The following ARID3A variants were observed in gnomAD, a reference collection of about 807,000 sequenced individuals.
ARID3A encodes the protein AT-rich interaction domain 3A.
In ARID3A, 11 loss-of-function variants were observed where a neutral mutation model predicts 52.7. The observed-to-expected ratio is 0.21, with a 90% CI of 0.13 to 0.35. The LOEUF (loss-of-function observed/expected upper bound fraction) is 0.35, where lower values mean the gene tolerates loss of function less well. Ranked by LOEUF, ARID3A falls within the 10% of genes least tolerant of loss-of-function variation. The pLI, the probability that ARID3A is intolerant of heterozygous loss-of-function variation, is 1.00. For missense variants in ARID3A, 721 were observed against 838.5 expected (o/e 0.86, Z 1.73); for synonymous variants, 404 against 359.4 (o/e 1.12, Z -1.40).
At chr19:954,194 A>C (rs994561479) in intron 3 of ARID3A, among the ~76,000 whole-genome samples, 1 of 152,102 alleles carries the variant, frequency 6.6e-6, no homozygotes, top group Non-Finnish European at 1.5e-5. Context: ...ACCCCACCCA[A>C]CTGCTGAGTG....
At position 973,427 on chromosome 19, in the gene ARID3A, T is replaced by C. The variant is rs987058991; in HGVS notation, c.*1362T>C. Reference sequence around the variant, plus strand: ...CCACGCTGGCCCGGTCTGGAAATCTTATCTAAAAAGTAGCAAGTGCTGGAA... The same window carrying C: ...CCACGCTGGCCCGGTCTGGAAATCTCATCTAAAAAGTAGCAAGTGCTGGAA... On this transcript the variant is annotated 3_prime_UTR_variant, in exon 9 of 9. Coordinates refer to ENST00000263620, the MANE Select transcript of ARID3A (RefSeq NM_005224.3). 7 of 199,844 alleles carry C rather than the reference T, an allele frequency of 3.5e-5. No homozygotes were observed. The highest frequency in any genetic ancestry group is 6.2e-5 in the Non-Finnish European group (6 of 96,736). The allele number at this position is 199,844 out of a possible 1,614,324, so 12.4% of individuals were successfully genotyped here. A position where few individuals can be genotyped will look rare whatever the true frequency, so the allele number is the denominator to read the frequency against.
intron 8 of ARID3A, chr19:968,802 G>A: frequency 4.1e-6 from 1 of 245,638 alleles, no homozygotes; most frequent in Non-Finnish European, 7.9e-6. Flanking sequence ...ACATGCACCA[G>A]CACACCTGGT....
Position 947,359 on chromosome 19 carries a change from C to T in ARID3A, c.694-12733C>T, listed in dbSNP as rs1202111199. On this transcript the variant is annotated intron_variant, in intron 3 of 8. Transcript: ENST00000263620. The surrounding 1 kb of genome is among the most constrained non-coding windows in gnomAD (Gnocchi z 6.3). ...ATGGGGCTGCCTCCTGCCTCCTCTG[C>T]ACCAACTTTCTGGAAGTGCCTGTCA... Among the ~76,000 whole-genome samples the T allele has an allele frequency of 6.6e-6, 1 of 152,214 alleles. No homozygotes were observed. The highest frequency in any genetic ancestry group is 1.5e-5 in the Non-Finnish European group (1 of 68,042).
At chr19:955,550 C>A (rs1356566128) in intron 3 of ARID3A, among the ~76,000 whole-genome samples, 1 of 152,214 alleles carries the variant, frequency 6.6e-6, no homozygotes, top group Non-Finnish European at 1.5e-5. Flanking sequence ...CAGCTGATTG[C>A]TGCCTGGCGC....
At chr19:926,426 G>A (rs1255885072) in intron 1 of ARID3A, among the ~76,000 whole-genome samples, 2 of 151,708 alleles carry the variant, frequency 1.3e-5, no homozygotes, top group Admixed American at 6.5e-5. Context: ...GCGAGCAGGG[G>A]CGATCGGGGG....
Position 933,073 on chromosome 19 carries a change from G to T in ARID3A, c.693+331G>T, listed in dbSNP as rs561011438. Among the ~76,000 whole-genome samples, 28 of 152,318 alleles carry T rather than the reference G, an allele frequency of 1.8e-4. 1 individual carries two copies. In the South Asian group the frequency reaches 5.6e-3, roughly 30 times the overall value. On this transcript the variant is annotated intron_variant, in intron 3 of 8. Coordinates refer to ENST00000263620, the MANE Select transcript of ARID3A (RefSeq NM_005224.3). ...CTGGCGCCGGCCCGAGCTGGGCTTG[G>T]GTTGGAGGAACCAGGCCTGCGGGCG...
chr19:939,676 G>T (rs1337261311), intron 3 of ARID3A, among the ~76,000 whole-genome samples: 1 of 152,090 alleles, frequency 6.6e-6, no homozygotes, highest in Non-Finnish European at 1.5e-5. Context: ...CGTTCGCGTC[G>T]TAATTGGGAT....
In ARID3A at chr19:974,906, G is replaced by A. The variant is rs2038350127; in HGVS notation, c.*2841G>A. ...GGGCGCGAGGCTGGGTCCCGGCCCA[G>A]GAGAAGGAAGTCGCTGAAGGCAGTG... On this transcript the variant is annotated 3_prime_UTR_variant, in exon 9 of 9. Coordinates refer to ENST00000263620, the MANE Select transcript of ARID3A (RefSeq NM_005224.3). The A allele has an allele frequency of 1.3e-5, 3 of 227,374 alleles. No homozygotes were observed. Among genetic ancestry groups the A allele is most frequent in the Non-Finnish European group, 2.6e-5 (3 of 114,298 alleles). 14.1% of individuals were successfully genotyped at this position (227,374 alleles called of 1,614,324 possible). A position where few individuals can be genotyped will look rare whatever the true frequency, so the allele number is the denominator to read the frequency against.
rs943541322 is a variant in ARID3A, at chr19:975,289, G to A, written c.*3224G>A. ...GGGCTCCCCCTGCTCTGAGATGTTGGGAGAAAGGCGGCTTCTGGAACCTTC... is the reference window on the plus strand; with the variant it reads ...GGGCTCCCCCTGCTCTGAGATGTTGAGAGAAAGGCGGCTTCTGGAACCTTC... On this transcript the variant is annotated 3_prime_UTR_variant, in exon 9 of 9. Coordinates refer to ENST00000263620, the MANE Select transcript of ARID3A (RefSeq NM_005224.3). The A allele has an allele frequency of 4.3e-6, 1 of 231,896 alleles. No individual in the cohort carries two copies. Among genetic ancestry groups the A allele is most frequent in the Non-Finnish European group, 8.5e-6 (1 of 117,242 alleles). 14.4% of individuals were successfully genotyped at this position (231,896 alleles called of 1,614,324 possible).
At chr19:933,504 G>C (rs763859962) in intron 3 of ARID3A, among the ~76,000 whole-genome samples, 3 of 152,158 alleles carry the variant, frequency 2.0e-5, no homozygotes, top group African/African-American at 4.8e-5. Context: ...GGGCGCGGCT[G>C]GGGGGAGCCA....
intron 3 of ARID3A, among the ~76,000 whole-genome samples, chr19:954,693 A>G (rs2037877784): frequency 6.6e-6 from 1 of 152,082 alleles, no homozygotes; most frequent in Non-Finnish European, 1.5e-5. Flanking sequence ...CGGAGGTGAT[A>G]TCGGTCCTGG....
rs1599378729 is a variant in ARID3A, at chr19:929,275, C to T, written c.-254C>T. On this transcript the variant is annotated 5_prime_UTR_variant, in exon 2 of 9. Transcript: ENST00000263620. This position sits in a 1 kb window ranked among gnomAD's most constrained non-coding sequence, Gnocchi z 6.2. ...TTTCCCCCTCAGGTTTCTGCAAATGCGTGAATGAGCCGGATGCCAGCCTCT... is the reference window on the plus strand; with the variant it reads ...TTTCCCCCTCAGGTTTCTGCAAATGTGTGAATGAGCCGGATGCCAGCCTCT... 15 of 301,600 alleles carry T rather than the reference C, an allele frequency of 5.0e-5. No individual in the cohort carries two copies. The highest frequency in any genetic ancestry group is 3.7e-4 in the East Asian group (5 of 13,654). 18.7% of individuals were successfully genotyped at this position (301,600 alleles called of 1,614,324 possible).
intron 3 of ARID3A, among the ~76,000 whole-genome samples, chr19:943,831 T>A (rs573681420): frequency 6.6e-6 from 1 of 152,164 alleles, no homozygotes; most frequent in African/African-American, 2.4e-5. Context: ...TGTGCCTCCC[T>A]GGGCACACAT....
intron 3 of ARID3A, among the ~76,000 whole-genome samples, chr19:958,688 T>C (rs964817792): frequency 1.3e-5 from 2 of 151,468 alleles, no homozygotes; most frequent in Non-Finnish European, 2.9e-5. Flanking sequence ...GGTCAGGAGA[T>C]CGAGACCATC....
Position 942,412 on chromosome 19 carries a change from G to C in ARID3A, c.693+9670G>C, listed in dbSNP as rs1000019167. 1.3e-5 allele frequency among the ~76,000 whole-genome samples: 2 copies of C among 152,174 alleles called. No homozygotes were observed. Among genetic ancestry groups the C allele is most frequent in the African/African-American group, 2.4e-5 (1 of 41,436 alleles). ...CCTCTCCACTGGCCGCCGGGAGCCG[G>C]GCCGGGAGCCGCTGCGGTGCCGACC... is the stretch of plus-strand genomic sequence containing the variant. On this transcript the variant is annotated intron_variant, in intron 3 of 8. Transcript: ENST00000263620. This position sits in a 1 kb window ranked among gnomAD's most constrained non-coding sequence, Gnocchi z 8.1.
At chr19:937,852 A>G (rs897799989) in intron 3 of ARID3A, among the ~76,000 whole-genome samples, 1 of 151,358 alleles carries the variant, frequency 6.6e-6, no homozygotes, top group Non-Finnish European at 1.5e-5. Flanking sequence ...GACTACAGGC[A>G]CCTGCCACCA....
At chr19:940,517 G>A (rs2037526808) in intron 3 of ARID3A, among the ~76,000 whole-genome samples, 1 of 152,022 alleles carries the variant, frequency 6.6e-6, no homozygotes, top group Non-Finnish European at 1.5e-5. Context: ...AGGCACCCTT[G>A]GTCCAGGCAG....
chr19:960,263 C>T lies in ARID3A; in HGVS notation c.766+99C>T, dbSNP rs1052867261. The T allele has an allele frequency of 7.6e-6, 9 of 1,177,590 alleles. No individual in the cohort carries two copies. Among genetic ancestry groups the T allele is most frequent in the Admixed American group, 2.5e-5 (1 of 40,406 alleles). The allele number at this position is 1,177,590 out of a possible 1,614,324, so 72.9% of individuals were successfully genotyped here. ...AGGTATGTCGGGGCGGTGGTGAGCA[C>T]CCCGTGGCTGGAGGCATCCAAGGCT... On this transcript the variant is annotated intron_variant, in intron 4 of 8. Coordinates refer to ENST00000263620, the MANE Select transcript of ARID3A (RefSeq NM_005224.3). This position sits in a 1 kb window ranked among gnomAD's most constrained non-coding sequence, Gnocchi z 4.3.
At chr19:930,907 T>A (rs963739705) in intron 2 of ARID3A, among the ~76,000 whole-genome samples, 1 of 152,210 alleles carries the variant, frequency 6.6e-6, no homozygotes, top group East Asian at 1.9e-4. Flanking sequence ...CGGCTGGACC[T>A]GCATAGCGTG....
Sources: allele counts gnomAD v4.1 joint callset (sites outside exome capture counted in the v4.1 genomes callset), GRCh38; gene constraint gnomAD v4.1.1; non-coding constraint Gnocchi (gnomAD v3.1); transcripts MANE v1.5; gene names NCBI Gene and HGNC (gene_info 2026-07-23, HGNC 2026-07-21).